Variants in CBLB observed in about 807,000 individuals in gnomAD.
CBLB encodes the protein E3 ubiquitin-protein ligase CBL-B.
In CBLB, 31 loss-of-function variants were observed where a neutral mutation model predicts 104.9. The observed-to-expected ratio is 0.30, with a 90% CI of 0.22 to 0.40. The LOEUF is 0.40. CBLB is among the 10% of genes least tolerant of loss of function. The pLI is 1.00. For synonymous variants in CBLB, 440 were observed against 422.6 expected, an observed-to-expected ratio of 1.04 and a Z score of -0.51; for missense variants, 1,062 against 1,214.6, an observed-to-expected ratio of 0.87 and a Z score of 1.87.
chr3:105,655,690 A>G lies in CBLB; in HGVS notation c.*3280T>C, dbSNP rs1036582150. On this transcript the variant is annotated 3_prime_UTR_variant, in exon 19 of 19. Coordinates refer to ENST00000394030, the MANE Select transcript of CBLB (RefSeq NM_170662.5). ...TCTTTGTCTGGAAAACTTTCCCAGA[A>G]TCACTAAAATTCCAGGTCAACAGGT... 4 of 199,194 alleles carry G rather than the reference A, an allele frequency of 2.0e-5. No homozygotes were observed. The highest frequency in any genetic ancestry group is 6.0e-5 in the Admixed American group (1 of 16,614). The allele number at this position is 199,194 out of a possible 1,614,324, so 12.3% of individuals were successfully genotyped here.
At position 105,745,985 on chromosome 3, in the gene CBLB, A is replaced by G. The variant is rs1346494491; in HGVS notation, c.777T>C (p.Gly259=). The change falls in exon 6 of 19, where the codon GGT becomes GGC. Residue 259 remains glycine, a synonymous_variant. Transcript: ENST00000394030. The part of the protein sequence containing the change: ...NWNFLAVTHP[G]YMAFLTYDEV... ...CATCATATGTGAGAAATGCCATGTA[A>G]CCTGGATGTGTCACAGCTAAGAAAT... 6.2e-7 allele frequency: 1 copy of G among 1,610,774 alleles called. No individual in the cohort carries two copies. Among genetic ancestry groups the G allele is most frequent in the South Asian group, 1.1e-5 (1 of 91,034 alleles).
chr3:105,741,825 T>TA (rs1308443811), intron 6 of CBLB, among the ~76,000 whole-genome samples: 4 of 152,182 alleles, frequency 2.6e-5, no homozygotes, highest in African/African-American at 7.2e-5. Flanking sequence ...GGCCAACTGT[T>TA]AAAAAAATAG....
intron 3 of CBLB, among the ~76,000 whole-genome samples, chr3:105,811,110 C>T (rs1234468670): frequency 6.6e-6 from 1 of 151,984 alleles, no homozygotes; most frequent in African/African-American, 2.4e-5. Flanking sequence ...TTTCAGGAAA[C>T]CTTAATTAGG....
intron 10 of CBLB, among the ~76,000 whole-genome samples, chr3:105,708,211 G>A (rs922217471): frequency 1.3e-5 from 2 of 152,062 alleles, no homozygotes; most frequent in Non-Finnish European, 2.9e-5. Flanking sequence ...TGTGATAGGT[G>A]ATAAAGGGAG....
chr3:105,685,353 G>C lies in CBLB; in HGVS notation c.2168C>G (p.Pro723Arg). The change falls in exon 14 of 19, where the codon CCA (proline) becomes CGA (arginine). Residue 723 changes from proline to arginine, a missense_variant. Physicochemically the swap from Pro to Arg is moderately radical, Grantham distance 103. This residue lies in a region of CBLB where 605 missense variants were observed against 582.6 expected (regional missense o/e 1.04). Transcript: ENST00000394030. ...AGGTTTTACATTATGACAATGAGAT[G>C]GTTGTGAATTCAGGGAAACAGGGTG... is the stretch of plus-strand genomic sequence containing the variant. Reference protein sequence around the residue: ...SSHPVSLNSQPSHCHNVKPPV... With the variant: ...SSHPVSLNSQRSHCHNVKPPV... 6.2e-7 allele frequency: 1 copy of C among 1,613,758 alleles called. No individual in the cohort carries two copies. Among genetic ancestry groups the C allele is most frequent in the Non-Finnish European group, 8.5e-7 (1 of 1,179,794 alleles).
At chr3:105,832,098 T>C (rs2087628288) in intron 3 of CBLB, among the ~76,000 whole-genome samples, 1 of 152,126 alleles carries the variant, frequency 6.6e-6, no homozygotes, top group African/African-American at 2.4e-5. Flanking sequence ...GAAAATTCTT[T>C]AAAGAAGGTA....
intron 3 of CBLB, among the ~76,000 whole-genome samples, chr3:105,852,926 A>C (rs2091143262): frequency 6.6e-6 from 1 of 152,168 alleles, no homozygotes; most frequent in Admixed American, 6.5e-5. Flanking sequence ...CATGTTGGTC[A>C]GGCTGGTCTC....
In CBLB at chr3:105,665,412, A is replaced by ATATATATAT. The variant is rs1559734328; in HGVS notation, c.2689+4820_2689+4821insATATATATA. On this transcript the variant is annotated intron_variant, in intron 18 of 18. Transcript: ENST00000394030. ...AAAAAAATAAATAAATAAATAAATAAATAAATATATATATATATATATATA... is the reference window on the plus strand; with the variant it reads ...AAAAAAATAAATAAATAAATAAATAATATATATATATAAATATATATATATATATATATA... 6.3e-4 allele frequency among the ~76,000 whole-genome samples: 47 copies of ATATATATAT among 74,742 alleles called. No individual in the cohort carries two copies. The East Asian group carries it at 0.012, about 20-fold the overall frequency. 49.0% of individuals were successfully genotyped at this position (74,742 alleles called of 152,430 possible).
At chr3:105,717,726 A>G (rs1427444176) in intron 10 of CBLB, among the ~76,000 whole-genome samples, 1 of 152,196 alleles carries the variant, frequency 6.6e-6, no homozygotes, top group African/African-American at 2.4e-5. Context: ...TCTGGGGAAC[A>G]GTACATCAAT....
chr3:105,771,049 G>A (rs1386044212), intron 4 of CBLB, among the ~76,000 whole-genome samples: 1 of 152,148 alleles, frequency 6.6e-6, no homozygotes, highest in Non-Finnish European at 1.5e-5. Flanking sequence ...ATCATTCTAT[G>A]AAGCCACTAC....
chr3:105,786,936 T>C (rs763122684), intron 3 of CBLB, among the ~76,000 whole-genome samples: 3 of 152,206 alleles, frequency 2.0e-5, no homozygotes, highest in Non-Finnish European at 4.4e-5. Context: ...ATTTATTAGA[T>C]ATATGATATG....
rs568168857 is a variant in CBLB, at chr3:105,734,019, G to A, written c.1193C>T (p.Thr398Met). The stretch of plus-strand genomic sequence containing the variant: ...TGCTAATGATTATACCTGCCATGCC[G>A]TAAGGCAAGAGGTGCACATCAAATG... The part of the protein sequence containing the change: ...CGHLMCTSCL[T>M]AWQESDGQGC... The change falls in exon 9 of 19, where the codon ACG (threonine) becomes ATG (methionine). Residue 398 changes from threonine to methionine, a missense_variant. Around this residue, in one of 2 missense-constraint regions of CBLB, gnomAD observed 457 missense variants for 632.0 expected, o/e 0.72. Coordinates refer to ENST00000394030, the MANE Select transcript of CBLB (RefSeq NM_170662.5). 2.5e-4 allele frequency: 396 copies of A among 1,613,762 alleles called. 5 individuals carry two copies. The South Asian group carries it at 3.8e-3, about 16-fold the overall frequency.
intron 3 of CBLB, among the ~76,000 whole-genome samples, chr3:105,780,521 A>C (rs916559769): frequency 1.3e-5 from 2 of 152,120 alleles, no homozygotes; most frequent in African/African-American, 4.8e-5. Context: ...TTTACATGGA[A>C]TTTTCGATAT....
intron 18 of CBLB, among the ~76,000 whole-genome samples, chr3:105,668,026 G>A (rs2064665286): frequency 6.6e-6 from 1 of 152,166 alleles, no homozygotes; most frequent in Non-Finnish European, 1.5e-5. Context: ...CAGCCTGGTA[G>A]GCCTGTGAAC....
rs1221291735 is a variant in CBLB at position 105,861,704 on chromosome 3, CACAT to C, written c.168+5702_168+5705del. Among the ~76,000 whole-genome samples, 12 of 150,728 alleles carry C rather than the reference CACAT, an allele frequency of 8.0e-5. No individual in the cohort carries two copies. In the South Asian group the frequency reaches 1.3e-3, roughly 16 times the overall value. The stretch of plus-strand genomic sequence containing the variant: ...ACACATACACACACACACACACACA[CACAT>C]ACATACACACACACACACACAGAGT... On this transcript the variant is annotated intron_variant, in intron 2 of 18. Transcript: ENST00000394030.
chr3:105,731,053 C>T (rs1457715794), intron 9 of CBLB, among the ~76,000 whole-genome samples: 1 of 151,946 alleles, frequency 6.6e-6, no homozygotes, highest in Middle Eastern at 3.2e-3. Flanking sequence ...GGTCATTAGG[C>T]CAATATAAAA....
At chr3:105,768,263 G>A (rs2078449771) in intron 4 of CBLB, among the ~76,000 whole-genome samples, 2 of 152,146 alleles carry the variant, frequency 1.3e-5, no homozygotes, top group Non-Finnish European at 2.9e-5. Context: ...GAAAAATTAT[G>A]AGCAATATTA....
At chr3:105,759,690 G>A (rs978975674) in intron 4 of CBLB, among the ~76,000 whole-genome samples, 1 of 152,228 alleles carries the variant, frequency 6.6e-6, no homozygotes, top group Non-Finnish European at 1.5e-5. Flanking sequence ...CCCAGAGCAG[G>A]CACTGTGAGC....
intron 3 of CBLB, among the ~76,000 whole-genome samples, chr3:105,799,948 G>GT (rs1041472509): frequency 6.6e-6 from 1 of 152,088 alleles, no homozygotes; most frequent in African/African-American, 2.4e-5. Context: ...AATAAACATT[G>GT]TTTTTTAGAC....
Sources: gnomAD v4.1 joint callset for allele counts (sites outside exome capture counted in the v4.1 genomes callset) on GRCh38, gnomAD v4.1.1 for gene constraint, gnomAD v4.1.1 regional missense constraint, MANE v1.5 for transcripts, NCBI Gene and HGNC (gene_info 2026-07-23, HGNC 2026-07-21) for gene names.